Variants in AKR1B15 observed in about 807,000 individuals in gnomAD.
AKR1B15 encodes estradiol 17-beta-dehydrogenase AKR1B15.
A neutral mutation model predicts 38.5 loss-of-function variants in AKR1B15; 49 were observed. The ratio of observed to expected loss-of-function variants is 1.27; its 90% confidence interval spans 1.01 to 1.62. The LOEUF (loss-of-function observed/expected upper bound fraction) is 1.62. AKR1B15 is among the 40% of genes most tolerant of loss of function. The pLI is 0.00. For synonymous variants in AKR1B15, 137 were observed against 135.5 expected (o/e 1.01, Z -0.08); for missense variants, 411 against 381.6 (o/e 1.08, Z -0.64).
rs1794842055 is a variant in AKR1B15 at position 134,579,697 on chromosome 7, G to C, written c.*148G>C. The C allele has an allele frequency of 6.4e-6, 4 of 627,594 alleles. No homozygotes were observed. Among genetic ancestry groups the C allele is most frequent in the Non-Finnish European group, 1.1e-5 (4 of 379,430 alleles). The allele number at this position is 627,594 out of a possible 1,614,324, so 38.9% of individuals were successfully genotyped here. A position where few individuals can be genotyped will look rare whatever the true frequency, so the allele number is the denominator to read the frequency against. On this transcript the variant is annotated 3_prime_UTR_variant, in exon 12 of 12. Transcript: ENST00000457545. ...AGACCAGAATGGAGGTGCTGTTTTA[G>C]ACATGTATTTCTGTATGTTCAACTA...
In AKR1B15 at chr7:134,564,422, C is replaced by T. The variant is rs189504433; in HGVS notation, c.-22-176C>T. On this transcript the variant is annotated intron_variant, in intron 2 of 11. Coordinates refer to ENST00000457545, the MANE Select transcript of AKR1B15 (RefSeq NM_001080538.3). ...GTCAGGGATAATACGAGATGCTGCC[C>T]GGCGTTTACAGGAAAAGGCTTCTGA... Among the ~76,000 whole-genome samples, 14 of 152,210 alleles carry T rather than the reference C, an allele frequency of 9.2e-5. No homozygotes were observed. In the South Asian group the frequency reaches 1.0e-3, roughly 11 times the overall value.
At chr7:134,573,620 A>T in intron 6 of AKR1B15, 1 of 872,434 alleles carries the variant, frequency 1.1e-6, no homozygotes, top group Non-Finnish European at 1.4e-6. Context: ...GGAGGAAAAA[A>T]GTATAAAGAA....
At chr7:134,576,200 C>T (rs1446101695) in intron 8 of AKR1B15, 149 bp from the exon 9 acceptor site, 52 of 1,070,632 alleles carry the variant, frequency 4.9e-5, no homozygotes, top group East Asian at 1.0e-4. Context: ...CTTCAGAGCC[C>T]GGGGAAAGGA....
At chr7:134,575,685 T>C (rs1732026) in intron 7 of AKR1B15, 136 bp from the exon 8 acceptor site, 48 of 1,578,818 alleles carry the variant, frequency 3.0e-5, no homozygotes, top group East Asian at 1.1e-4. Flanking sequence ...GCTGATCTCA[T>C]GGGTGATTTA....
intron 2 of AKR1B15, among the ~76,000 whole-genome samples, chr7:134,562,034 A>T (rs1794409270): frequency 6.6e-6 from 1 of 152,042 alleles, no homozygotes; most frequent in African/African-American, 2.4e-5. Context: ...CCCAGGCTGG[A>T]GTGCAGTGGC....
rs769271588 is a variant in AKR1B15 at position 134,565,590 on chromosome 7, G to C, written c.150+821G>C. On this transcript the variant is annotated intron_variant, in intron 3 of 11. Transcript: ENST00000457545. ...GCACAACTTTCTTCTCTGGAGGGCT[G>C]TTTGGGTGTTTTCTCTTTCTACATT... is the stretch of plus-strand genomic sequence containing the variant. The C allele has an allele frequency of 1.7e-5, 27 of 1,610,178 alleles. 1 individual carries two copies. The South Asian group carries it at 2.9e-4, about 17-fold the overall frequency.
chr7:134,573,396 T>A (rs933604133), intron 6 of AKR1B15: 10 of 985,432 alleles, frequency 1.0e-5, no homozygotes, highest in Non-Finnish European at 1.2e-5. Context: ...ATGGCAAGTA[T>A]GTCAATGTAC....
Position 134,557,542 on chromosome 7 carries a change from T to G in AKR1B15, c.-23+683T>G, listed in dbSNP as rs1344815632. Among the ~76,000 whole-genome samples the G allele has an allele frequency of 3.3e-5, 5 of 152,196 alleles. No homozygotes were observed. In the South Asian group the frequency reaches 1.0e-3, roughly 31 times the overall value. ...AAGAATGCGCTTACTGATAAGATAC[T>G]GAGGCAAGCTGTACCAGCAGCTCCT... On this transcript the variant is annotated intron_variant, in intron 2 of 11. Transcript: ENST00000457545.
chr7:134,576,976 T>G lies in AKR1B15; in HGVS notation c.839T>G (p.Phe280Cys). The change falls in exon 10 of 12, where the codon TTC (phenylalanine) becomes TGC (cysteine). Residue 280 changes from phenylalanine (F) to cysteine (C), a missense_variant. Coordinates refer to ENST00000457545, the MANE Select transcript of AKR1B15 (RefSeq NM_001080538.3). Reference protein sequence around the residue: ...KKTTAQVLIRFHIQRNVTVIP... With the variant: ...KKTTAQVLIRCHIQRNVTVIP... Reference sequence around the variant, plus strand: ...CTTTCTGCACAGGTTCTGATCCGTTTCCATATCCAGAGGAATGTGACAGTG... The same window carrying G: ...CTTTCTGCACAGGTTCTGATCCGTTGCCATATCCAGAGGAATGTGACAGTG... 6.2e-7 allele frequency: 1 copy of G among 1,613,902 alleles called. No homozygotes were observed. Among genetic ancestry groups the G allele is most frequent in the Non-Finnish European group, 8.5e-7 (1 of 1,179,772 alleles).
At chr7:134,563,172 C>T (rs1794460338) in intron 2 of AKR1B15, among the ~76,000 whole-genome samples, 2 of 152,116 alleles carry the variant, frequency 1.3e-5, no homozygotes, top group South Asian at 4.1e-4. Flanking sequence ...TTCACAGAAT[C>T]CTCAATCTCA....
intron 2 of AKR1B15, among the ~76,000 whole-genome samples, chr7:134,560,984 A>C (rs1173940363): frequency 1.3e-5 from 2 of 152,198 alleles, no homozygotes; most frequent in Non-Finnish European, 2.9e-5. Context: ...ATTTTCCCAA[A>C]TATACACATA....
rs757385747 is a variant in AKR1B15, at chr7:134,576,945, T to C, written c.826-18T>C. The C allele has an allele frequency of 6.2e-7, 1 of 1,606,726 alleles. No homozygotes were observed. The highest frequency in any genetic ancestry group is 2.2e-5 in the East Asian group (1 of 44,828). ...TCCTTGTAGCTGAGTGGAAACATGA[T>C]GTCCCCTTTCTGCACAGGTTCTGAT... On this transcript the variant is annotated intron_variant, in intron 9 of 11. Coordinates refer to ENST00000457545, the MANE Select transcript of AKR1B15 (RefSeq NM_001080538.3).
At chr7:134,578,923 CT>C in intron 11 of AKR1B15, among the ~76,000 whole-genome samples, 1 of 152,220 alleles carries the variant, frequency 6.6e-6, no homozygotes, top group South Asian at 2.1e-4. Flanking sequence ...AGCATCATTT[CT>C]GGTGTAGGCA....
chr7:134,564,047 A>G (rs182483119), intron 2 of AKR1B15, among the ~76,000 whole-genome samples: 64 of 152,262 alleles, frequency 4.2e-4, no homozygotes, highest in African/African-American at 1.5e-3. Context: ...CCTATGTCCC[A>G]ACATTAACAT....
intron 3 of AKR1B15, among the ~76,000 whole-genome samples, chr7:134,566,722 CT>C (rs1431631691): frequency 2.0e-5 from 3 of 152,138 alleles, no homozygotes; most frequent in African/African-American, 7.2e-5. Flanking sequence ...TGCACACTGA[CT>C]TTTTTCCCTC....
intron 2 of AKR1B15, among the ~76,000 whole-genome samples, chr7:134,558,109 G>A (rs539957089): frequency 6.6e-6 from 1 of 152,226 alleles, no homozygotes; most frequent in African/African-American, 2.4e-5. Flanking sequence ...GACCCATTGG[G>A]GACCCCAAGC....
In AKR1B15 at chr7:134,559,247, G is replaced by T. The variant is rs1794308125; in HGVS notation, c.-23+2388G>T. On this transcript the variant is annotated intron_variant, in intron 2 of 11. Coordinates refer to ENST00000457545, the MANE Select transcript of AKR1B15 (RefSeq NM_001080538.3). ...GCAAGGTCAAAAGAAGCTAGCCCAT[G>T]TTGATAAGTGTCTATGTCTATACCA... 2.6e-5 allele frequency among the ~76,000 whole-genome samples: 4 copies of T among 152,156 alleles called. No homozygotes were observed. In the South Asian group the frequency reaches 8.3e-4, roughly 31 times the overall value.
At chr7:134,572,000 A>C (rs942428552) in intron 6 of AKR1B15, among the ~76,000 whole-genome samples, 3 of 152,216 alleles carry the variant, frequency 2.0e-5, no homozygotes, top group African/African-American at 7.2e-5. Context: ...ATAGCAGCTG[A>C]GTAACCTAGG....
At position 134,568,270 on chromosome 7, in the gene AKR1B15, A is replaced by C; in HGVS notation, c.263A>C (p.Gln88Pro). 5 of 1,614,138 alleles carry C rather than the reference A, an allele frequency of 3.1e-6. No homozygotes were observed. Among genetic ancestry groups the C allele is most frequent in the Non-Finnish European group, 4.2e-6 (5 of 1,180,000 alleles). ...ENQHEVGEAI[Q>P]EKIQEKAVMR... The stretch of plus-strand genomic sequence containing the variant: ...CAACATGAGGTGGGAGAAGCCATCC[A>C]AGAGAAGATCCAAGAGAAGGCTGTG... Residue 88 changes from glutamine (Q) to proline (P), a missense_variant, in exon 4 of 12, where the codon CAA becomes CCA. Gln to Pro is a moderately conservative substitution (Grantham distance 76). Coordinates refer to ENST00000457545, the MANE Select transcript of AKR1B15 (RefSeq NM_001080538.3).
Sources: allele counts gnomAD v4.1 joint callset (sites outside exome capture counted in the v4.1 genomes callset), GRCh38; gene constraint gnomAD v4.1.1; transcripts MANE v1.5; gene names NCBI Gene and HGNC (gene_info 2026-07-23, HGNC 2026-07-21).